Variants in PRKG1 observed in about 807,000 individuals in gnomAD.
PRKG1 encodes the protein cGMP-dependent protein kinase 1.
Under a neutral mutation model 88.1 loss-of-function variants are expected in PRKG1, and 35 were observed. That is an observed-to-expected ratio of 0.40 (90% CI 0.30 to 0.53). PRKG1 has a LOEUF of 0.53. Among genes scored for constraint, PRKG1 ranks in the 20% least tolerant of loss-of-function variants. The pLI is 0.59. For synonymous variants in PRKG1, 303 were observed against 292.5 expected, an observed-to-expected ratio of 1.04 and a Z score of -0.37; for missense variants, 540 against 839.8, an observed-to-expected ratio of 0.64 and a Z score of 4.41.
At chr10:52,005,971 T>A (rs542873234) in intron 5 of PRKG1, among the ~76,000 whole-genome samples, 44 of 150,318 alleles carry the variant, frequency 2.9e-4, no homozygotes, top group Admixed American at 8.0e-4. Context: ...ATGGGGAGAA[T>A]AATCAGAGGT....
chr10:51,347,953 C>G (rs1279253924), intron 2 of PRKG1, among the ~76,000 whole-genome samples: 9 of 151,980 alleles, frequency 5.9e-5, no homozygotes, highest in Admixed American at 5.9e-4. Context: ...CTCCCAGCTA[C>G]TCGGGAGGCT....
intron 5 of PRKG1, among the ~76,000 whole-genome samples, chr10:51,956,200 A>T (rs1843298122): frequency 6.6e-6 from 1 of 151,998 alleles, no homozygotes; most frequent in Non-Finnish European, 1.5e-5. Context: ...TAGGATTATT[A>T]TTTTGTTGGT....
intron 2 of PRKG1, among the ~76,000 whole-genome samples, chr10:51,257,190 G>A (rs1839586285): frequency 6.8e-6 from 1 of 147,530 alleles, no homozygotes; most frequent in Non-Finnish European, 1.5e-5. Flanking sequence ...TTTGAGAGAA[G>A]ATGATTAGTT....
intron 1 of PRKG1, among the ~76,000 whole-genome samples, chr10:51,127,907 A>G (rs919913324): frequency 2.6e-5 from 4 of 152,140 alleles, no homozygotes; most frequent in African/African-American, 9.7e-5. Flanking sequence ...GAGTTGAACA[A>G]TGAGAACACA....
At chr10:51,410,480 A>G (rs993100433) in intron 2 of PRKG1, among the ~76,000 whole-genome samples, 3 of 152,008 alleles carry the variant, frequency 2.0e-5, no homozygotes, top group African/African-American at 7.2e-5. Context: ...TAGTCTTTTC[A>G]TGTTTTTCTG....
intron 2 of PRKG1, among the ~76,000 whole-genome samples, chr10:51,370,699 TTAA>T (rs1842687471): frequency 6.6e-6 from 1 of 152,132 alleles, no homozygotes; most frequent in Non-Finnish European, 1.5e-5. Context: ...AAAATTAATT[TTAA>T]TAATATATTT....
chr10:52,163,281 T>C (rs1376249639), intron 9 of PRKG1, among the ~76,000 whole-genome samples: 3 of 148,948 alleles, frequency 2.0e-5, no homozygotes, highest in Non-Finnish European at 4.5e-5. Flanking sequence ...TCATTATATA[T>C]ATACATCTTA....
chr10:51,383,153 GAAC>G (rs1280274508), intron 2 of PRKG1, among the ~76,000 whole-genome samples: 2 of 152,088 alleles, frequency 1.3e-5, no homozygotes, highest in Non-Finnish European at 2.9e-5. Flanking sequence ...GAAGATCCCT[GAAC>G]AACACCAAAG....
intron 9 of PRKG1, among the ~76,000 whole-genome samples, chr10:52,223,826 T>G (rs1319965805): frequency 6.6e-6 from 1 of 152,122 alleles, no homozygotes; most frequent in Non-Finnish European, 1.5e-5. Context: ...TTCAGAATCA[T>G]CCTTTTCTTT....
chr10:51,572,684 T>TTTTG (rs762390743), intron 3 of PRKG1, among the ~76,000 whole-genome samples: 2 of 151,822 alleles, frequency 1.3e-5, no homozygotes, highest in Non-Finnish European at 2.9e-5. Flanking sequence ...AGCAATCTTT[T>TTTTG]TTTGTTTGTT....
At chr10:51,645,357 A>G (rs1839891962) in intron 3 of PRKG1, among the ~76,000 whole-genome samples, 1 of 152,198 alleles carries the variant, frequency 6.6e-6, no homozygotes, top group Non-Finnish European at 1.5e-5. Flanking sequence ...ACATTTTGCA[A>G]CAACATCTTA....
chr10:51,980,891 G>C (rs1394090264), intron 5 of PRKG1, among the ~76,000 whole-genome samples: 1 of 151,982 alleles, frequency 6.6e-6, no homozygotes, highest in Admixed American at 6.6e-5. Flanking sequence ...ATGTAAGATG[G>C]GTCTCTTGAA....
At chr10:51,938,212 C>A (rs1233794241) in intron 5 of PRKG1, among the ~76,000 whole-genome samples, 1 of 151,966 alleles carries the variant, frequency 6.6e-6, no homozygotes, top group Non-Finnish European at 1.5e-5. Context: ...GAGACAGAGA[C>A]CATATACACG....
chr10:51,099,623 AT>A (rs560412617), intron 1 of PRKG1, among the ~76,000 whole-genome samples: 2 of 151,870 alleles, frequency 1.3e-5, no homozygotes, highest in African/African-American at 2.4e-5. Context: ...ATATTGAGGT[AT>A]TTTTTTTAAC....
intron 1 of PRKG1, among the ~76,000 whole-genome samples, chr10:51,097,306 T>C (rs1844553858): frequency 6.6e-6 from 1 of 152,134 alleles, no homozygotes; most frequent in Non-Finnish European, 1.5e-5. Context: ...CACTGCAACT[T>C]CCGCCCCCTG....
At chr10:51,501,707 C>A (rs954456438) in intron 3 of PRKG1, among the ~76,000 whole-genome samples, 8 of 151,442 alleles carry the variant, frequency 5.3e-5, no homozygotes, top group African/African-American at 1.9e-4. Context: ...GTTATTAACA[C>A]TTTGGCAAAA....
At chr10:52,110,275 T>A (rs550350165) in intron 7 of PRKG1, among the ~76,000 whole-genome samples, 3 of 151,988 alleles carry the variant, frequency 2.0e-5, no homozygotes. Context: ...GTGCTTGCAG[T>A]GAGCGGAGAT....
intron 7 of PRKG1, among the ~76,000 whole-genome samples, chr10:52,085,347 G>A (rs974641686): frequency 6.7e-6 from 1 of 150,186 alleles, no homozygotes; most frequent in Non-Finnish European, 1.5e-5. Context: ...GCAAAAGGAC[G>A]ATTTTCTAAC....
chr10:51,761,931 G>A (rs1838031656), intron 3 of PRKG1, among the ~76,000 whole-genome samples: 2 of 152,162 alleles, frequency 1.3e-5, no homozygotes, highest in African/African-American at 4.8e-5. Context: ...TAGTAAATAA[G>A]CAAGAGAATT....
Sources: allele counts gnomAD v4.1 joint callset (sites outside exome capture counted in the v4.1 genomes callset), GRCh38; gene constraint gnomAD v4.1.1; transcripts MANE v1.5; gene names NCBI Gene and HGNC (gene_info 2026-07-23, HGNC 2026-07-21).